Variants in GPC5 observed in about 807,000 individuals in gnomAD.
The protein encoded by GPC5 is glypican-5.
GPC5 carries 47 observed loss-of-function variants against 53.9 expected under a neutral mutation model. The observed-to-expected ratio is 0.87, with a 90% confidence interval of 0.69 to 1.11. The LOEUF is 1.11. Ranked by LOEUF, GPC5 falls within the 50% of genes most tolerant of loss-of-function variation. The pLI is 0.00. For synonymous variants in GPC5, 286 were observed against 263.3 expected (o/e 1.09, Z -0.84); for missense variants, 748 against 713.1 (o/e 1.05, Z -0.56).
intron 7 of GPC5, among the ~76,000 whole-genome samples, chr13:92,714,391 A>G (rs1486934003): frequency 1.3e-5 from 2 of 152,182 alleles, no homozygotes; most frequent in Non-Finnish European, 2.9e-5. Context: ...ATAACCATGG[A>G]TCTTTGGCTA....
intron 6 of GPC5, among the ~76,000 whole-genome samples, chr13:91,957,468 G>T (rs1382597452): frequency 2.0e-5 from 3 of 152,076 alleles, no homozygotes; most frequent in Non-Finnish European, 4.4e-5. Flanking sequence ...GATACAGGAA[G>T]CTCGGAGATC....
chr13:92,566,769 C>G (rs1433148003), intron 7 of GPC5, among the ~76,000 whole-genome samples: 1 of 151,982 alleles, frequency 6.6e-6, no homozygotes, highest in East Asian at 1.9e-4. Context: ...TTTGATCCCA[C>G]CTTCCAATTC....
intron 7 of GPC5, among the ~76,000 whole-genome samples, chr13:92,298,441 CT>C (rs1203911657): frequency 2.6e-5 from 4 of 152,262 alleles, no homozygotes; most frequent in African/African-American, 9.6e-5. Flanking sequence ...AGAAGGACCC[CT>C]GTGAGGCCAG....
At chr13:91,602,782 C>T (rs371507372) in intron 2 of GPC5, among the ~76,000 whole-genome samples, 144 of 152,158 alleles carry the variant, frequency 9.5e-4, no homozygotes, top group Non-Finnish European at 1.7e-3. Context: ...ATTTATAAAG[C>T]GTAGTTCAAG....
intron 7 of GPC5, among the ~76,000 whole-genome samples, chr13:92,728,482 T>C (rs1007363454): frequency 2.6e-5 from 4 of 151,384 alleles, no homozygotes; most frequent in African/African-American, 9.7e-5. Flanking sequence ...AAGCAAAACA[T>C]AGAGAAATTT....
At chr13:92,761,001 T>G (rs558893268) in intron 7 of GPC5, among the ~76,000 whole-genome samples, 85 of 152,316 alleles carry the variant, frequency 5.6e-4, no homozygotes, top group South Asian at 2.3e-3. Flanking sequence ...CATACCATTG[T>G]GGTCAGAAAT....
chr13:92,596,271 G>A (rs1350777360), intron 7 of GPC5, among the ~76,000 whole-genome samples: 9 of 151,894 alleles, frequency 5.9e-5, no homozygotes, highest in Admixed American at 2.0e-4. Flanking sequence ...GGGAAGCAAT[G>A]AAAGAAACGT....
At chr13:91,800,452 T>C (rs1478931609) in intron 5 of GPC5, among the ~76,000 whole-genome samples, 1 of 135,856 alleles carries the variant, frequency 7.4e-6, no homozygotes, top group East Asian at 2.0e-4. Flanking sequence ...AAATTCATGA[T>C]ACATACTAAG....
intron 6 of GPC5, among the ~76,000 whole-genome samples, chr13:91,924,970 C>A (rs1566345190): frequency 6.6e-6 from 1 of 151,796 alleles, no homozygotes; most frequent in Non-Finnish European, 1.5e-5. Flanking sequence ...CAGGTGCCTG[C>A]CAACACGCCC....
intron 7 of GPC5, among the ~76,000 whole-genome samples, chr13:92,483,994 C>T (rs1413909672): frequency 6.6e-6 from 1 of 151,984 alleles, no homozygotes; most frequent in Admixed American, 6.6e-5. Context: ...AATAACTGGC[C>T]AGGTATAATG....
intron 7 of GPC5, among the ~76,000 whole-genome samples, chr13:92,670,447 C>G (rs1289988780): frequency 3.9e-5 from 6 of 152,188 alleles, no homozygotes; most frequent in Admixed American, 3.9e-4. Context: ...AAAGTAGTTT[C>G]TCTAAATGTC....
intron 7 of GPC5, among the ~76,000 whole-genome samples, chr13:92,430,136 A>T (rs913170986): frequency 3.9e-5 from 6 of 152,104 alleles, no homozygotes; most frequent in Non-Finnish European, 7.4e-5. Context: ...ATTTAAAGAA[A>T]AAAAAAGTGC....
chr13:91,671,324 T>G (rs2035237627), intron 2 of GPC5, among the ~76,000 whole-genome samples: 2 of 152,200 alleles, frequency 1.3e-5, no homozygotes. Flanking sequence ...CTGCAACATA[T>G]TGAATCAAAG....
chr13:92,381,709 A>T (rs898295033), intron 7 of GPC5, among the ~76,000 whole-genome samples: 1 of 151,732 alleles, frequency 6.6e-6, no homozygotes. Flanking sequence ...ATGCATATTT[A>T]TAGCAGCACA....
At chr13:92,349,983 C>A (rs543167178) in intron 7 of GPC5, among the ~76,000 whole-genome samples, 3 of 152,254 alleles carry the variant, frequency 2.0e-5, no homozygotes, top group Admixed American at 1.3e-4. Context: ...TAAAAATCCT[C>A]CATTATATTC....
chr13:91,571,148 A>G (rs1233332189), intron 2 of GPC5, among the ~76,000 whole-genome samples: 1 of 152,140 alleles, frequency 6.6e-6, no homozygotes, highest in Non-Finnish European at 1.5e-5. Context: ...CTTCTTGTAT[A>G]GTAAGTCAGA....
chr13:91,660,160 A>G (rs938223529), intron 2 of GPC5, among the ~76,000 whole-genome samples: 3 of 152,176 alleles, frequency 2.0e-5, no homozygotes, highest in South Asian at 4.1e-4. Context: ...CAAACAAAAA[A>G]TTGGAGGTTA....
At chr13:92,684,063 T>C (rs1417898949) in intron 7 of GPC5, among the ~76,000 whole-genome samples, 1 of 152,122 alleles carries the variant, frequency 6.6e-6, no homozygotes, top group African/African-American at 2.4e-5. Flanking sequence ...GTGCTCTACC[T>C]AGTTATTCCT....
At chr13:91,814,909 A>G (rs2038376959) in intron 5 of GPC5, among the ~76,000 whole-genome samples, 1 of 152,178 alleles carries the variant, frequency 6.6e-6, no homozygotes, top group Non-Finnish European at 1.5e-5. Context: ...CAGTTTCTCT[A>G]TGCCATTTGG....
Sources: allele counts gnomAD v4.1 joint callset (sites outside exome capture counted in the v4.1 genomes callset), GRCh38; gene constraint gnomAD v4.1.1; transcripts MANE v1.5; gene names NCBI Gene and HGNC (gene_info 2026-07-23, HGNC 2026-07-21).